Variants in UPRT observed in about 807,000 individuals in gnomAD.
UPRT encodes the protein uracil phosphoribosyltransferase homolog.
In UPRT, 5 loss-of-function variants were observed where a neutral mutation model predicts 22.6. The observed-to-expected ratio is 0.22, with a 90% confidence interval of 0.12 to 0.47. The LOEUF is 0.47. Among genes scored for constraint, UPRT ranks in the 20% least tolerant of loss-of-function variants. The probability of loss-of-function intolerance (pLI) is 0.99; values close to 1 mark genes in which losing one functional copy is unlikely to be tolerated. For synonymous variants in UPRT, 77 were observed against 87.7 expected (o/e 0.88, Z 0.68); for missense variants, 181 against 239.9 (o/e 0.75, Z 1.62).
At chrX:75,193,384 G>A (rs2082322375) in intron 4 of UPRT, among the ~76,000 whole-genome samples, 1 of 111,528 alleles carries the variant, frequency 9.0e-6, no homozygotes, top group Non-Finnish European at 1.9e-5. Context: ...CTTTTCTCTA[G>A]CTATCTTTAA....
At chrX:75,266,381 A>G (rs1409865576) in intron 4 of UPRT, among the ~76,000 whole-genome samples, 1 of 111,846 alleles carries the variant, frequency 8.9e-6, no homozygotes, top group African/African-American at 3.2e-5. Context: ...AAAACTGGCT[A>G]GCCATATGTA....
intron 4 of UPRT, among the ~76,000 whole-genome samples, chrX:75,186,607 A>G (rs961502381): frequency 4.8e-4 from 53 of 111,326 alleles, no homozygotes; most frequent in Non-Finnish European, 9.2e-4. Context: ...GATCTGTCTA[A>G]TGTTGACAGT....
intron 4 of UPRT, among the ~76,000 whole-genome samples, chrX:75,262,176 G>A (rs1431601965): frequency 3.6e-5 from 4 of 111,357 alleles, no homozygotes; most frequent in Non-Finnish European, 7.5e-5. Context: ...TTCATATCCA[G>A]CCAAACTAAG....
chrX:75,216,624 A>AT (rs770238010), intron 4 of UPRT, among the ~76,000 whole-genome samples: 3 of 112,663 alleles, frequency 2.7e-5, no homozygotes, highest in African/African-American at 9.6e-5. Flanking sequence ...GATAGCATTC[A>AT]TTTTTTAAGG....
At chrX:75,157,402 G>A (rs888115941) in intron 1 of UPRT, among the ~76,000 whole-genome samples, 1 of 111,887 alleles carries the variant, frequency 8.9e-6, no homozygotes, top group African/African-American at 3.3e-5. Context: ...TAGAATTCAA[G>A]TTGAAGAGGT....
intron 4 of UPRT, among the ~76,000 whole-genome samples, chrX:75,216,486 C>T (rs759668766): frequency 5.4e-4 from 61 of 112,207 alleles, no homozygotes; most frequent in Non-Finnish European, 9.2e-4. Flanking sequence ...GAAGTCTACT[C>T]GTGGGTTGTG....
chrX:75,188,840 CCTT>C (rs2082304711), intron 4 of UPRT, among the ~76,000 whole-genome samples: 1 of 112,035 alleles, frequency 8.9e-6, no homozygotes. Flanking sequence ...TCCCTGACCC[CCTT>C]CGCTTCCCGA....
intron 4 of UPRT, among the ~76,000 whole-genome samples, chrX:75,249,726 G>T (rs1459792451): frequency 9.0e-6 from 1 of 111,474 alleles, no homozygotes; most frequent in Non-Finnish European, 1.9e-5. Context: ...GACACCTACA[G>T]AACTCTTCAC....
chrX:75,178,319 T>C (rs112047068), intron 4 of UPRT, among the ~76,000 whole-genome samples: 4 of 111,502 alleles, frequency 3.6e-5, no homozygotes, highest in African/African-American at 1.3e-4. Flanking sequence ...GAATAGCAAG[T>C]GAAAGGGGTC....
intron 4 of UPRT, among the ~76,000 whole-genome samples, chrX:75,237,155 T>A (rs1361130330): frequency 2.7e-5 from 3 of 111,989 alleles, no homozygotes; most frequent in African/African-American, 9.7e-5. Flanking sequence ...AACAGATACT[T>A]CTCAAAAGAA....
chrX:75,157,140 A>G (rs1374192543), intron 1 of UPRT, among the ~76,000 whole-genome samples: 2 of 112,385 alleles, frequency 1.8e-5, no homozygotes, highest in Non-Finnish European at 3.8e-5. Flanking sequence ...ACAGTTATCT[A>G]GGAAACTGCA....
chrX:75,263,021 C>T (rs1302490107), intron 4 of UPRT, among the ~76,000 whole-genome samples: 5 of 111,548 alleles, frequency 4.5e-5, no homozygotes, highest in Admixed American at 9.6e-5. Context: ...TGCACCTCAT[C>T]GCACTTATTC....
intron 4 of UPRT, among the ~76,000 whole-genome samples, chrX:75,267,348 T>C (rs1007271448): frequency 1.8e-5 from 2 of 111,259 alleles, no homozygotes; most frequent in African/African-American, 6.5e-5. Context: ...ACATCATATG[T>C]TGTCACTCAT....
At chrX:75,299,685 CT>C in intron 4 of UPRT, 49 bp from the exon 5 acceptor site, 1 of 1,136,665 alleles carries the variant, frequency 8.8e-7, no homozygotes, top group Non-Finnish European at 1.2e-6. Flanking sequence ...TGTTCTTGGA[CT>C]TTCTCTCTCT....
chrX:75,270,777 G>T (rs1282333837), upstream of UPRT, among the ~76,000 whole-genome samples: 1 of 111,432 alleles, frequency 9.0e-6, no homozygotes, highest in African/African-American at 3.3e-5. Flanking sequence ...CTAGGGGAGG[G>T]ATAGCATTAG....
intron 4 of UPRT, among the ~76,000 whole-genome samples, chrX:75,190,580 C>T (rs1384406002): frequency 1.8e-5 from 2 of 112,143 alleles, no homozygotes; most frequent in East Asian, 5.6e-4. Flanking sequence ...TGTTTTCCAA[C>T]TTGGTTCCAT....
intron 4 of UPRT, among the ~76,000 whole-genome samples, chrX:75,234,501 C>T (rs1317432228): frequency 5.4e-5 from 6 of 111,368 alleles, no homozygotes; most frequent in African/African-American, 2.0e-4. Context: ...CAGCACCACA[C>T]CACACCTATT....
At chrX:75,265,302 C>G (rs748568343) in intron 4 of UPRT, among the ~76,000 whole-genome samples, 3 of 111,989 alleles carry the variant, frequency 2.7e-5, no homozygotes, top group African/African-American at 9.7e-5. Context: ...TTCTCCCCAT[C>G]ACTTTGAGGT....
At chrX:75,299,606 G>C (rs2082737379) in intron 4 of UPRT, 129 bp from the exon 5 acceptor site, 3 of 728,178 alleles carry the variant, frequency 4.1e-6, no homozygotes, top group Admixed American at 8.6e-5. Context: ...AAAGCTGTCA[G>C]CTTCAAAATA....
Sources: allele counts gnomAD v4.1 joint callset (sites outside exome capture counted in the v4.1 genomes callset), GRCh38; gene constraint gnomAD v4.1.1; transcripts MANE v1.5; gene names NCBI Gene and HGNC (gene_info 2026-07-23, HGNC 2026-07-21).